KAZN: variants seen among roughly 807,000 people sequenced by gnomAD.
KAZN encodes the protein kazrin.
KAZN carries 40 observed loss-of-function variants against 87.4 expected under a neutral mutation model. The observed-to-expected ratio is 0.46, with a 90% CI of 0.36 to 0.60. KAZN has a LOEUF of 0.60. Ranked by LOEUF, KAZN falls within the 20% of genes least tolerant of loss-of-function variation. KAZN has a pLI of 0.00. For synonymous variants in KAZN, 466 were observed against 458.3 expected, an observed-to-expected ratio of 1.02 and a Z score of -0.22; for missense variants, 898 against 1,073.9, an observed-to-expected ratio of 0.84 and a Z score of 2.29.
chr1:14,449,992 G>A (rs924632602), intron 2 of KAZN, among the ~76,000 whole-genome samples: 5 of 152,088 alleles, frequency 3.3e-5, no homozygotes, highest in African/African-American at 1.2e-4. Context: ...CCCCTTTCAG[G>A]AGGGTTTTAT....
intron 1 of KAZN, among the ~76,000 whole-genome samples, chr1:14,921,176 A>ACACACACACACACACATT (rs1658477093): frequency 2.0e-5 from 3 of 151,870 alleles, no homozygotes; most frequent in African/African-American, 7.2e-5. Context: ...ACACACACAC[A>ACACACACACACACACATT]CACACACACA....
At chr1:14,475,760 A>G (rs933181293) in intron 2 of KAZN, among the ~76,000 whole-genome samples, 3 of 152,198 alleles carry the variant, frequency 2.0e-5, no homozygotes, top group Non-Finnish European at 4.4e-5. Context: ...CATAAGTTGG[A>G]AGAAGCTCAT....
At chr1:14,603,404 G>A (rs1677127135) in intron 1 of KAZN, among the ~76,000 whole-genome samples, 1 of 152,190 alleles carries the variant, frequency 6.6e-6, no homozygotes. Flanking sequence ...AACCTGTCAT[G>A]GGATGGGGAT....
chr1:14,094,411 G>T (rs1236452304), intron 1 of KAZN, among the ~76,000 whole-genome samples: 1 of 152,072 alleles, frequency 6.6e-6, no homozygotes, highest in African/African-American at 2.4e-5. Flanking sequence ...CAAGGACAAG[G>T]TTTTTCACTA....
intron 2 of KAZN, among the ~76,000 whole-genome samples, chr1:14,296,504 G>C (rs1407043240): frequency 6.6e-6 from 1 of 152,100 alleles, no homozygotes; most frequent in African/African-American, 2.4e-5. Context: ...CCTACCTCAA[G>C]GTCCACATTC....
At chr1:14,998,519 G>A (rs1294235057) in intron 2 of KAZN, among the ~76,000 whole-genome samples, 1 of 152,038 alleles carries the variant, frequency 6.6e-6, no homozygotes, top group East Asian at 1.9e-4. Flanking sequence ...TATGATGGAG[G>A]TGCTTTTATT....
intron 1 of KAZN, among the ~76,000 whole-genome samples, chr1:14,671,217 A>T (rs1196223289): frequency 1.3e-5 from 2 of 152,202 alleles, no homozygotes; most frequent in Non-Finnish European, 2.9e-5. Context: ...GCTGCTATCT[A>T]ATATATATTT....
intron 2 of KAZN, among the ~76,000 whole-genome samples, chr1:14,206,451 A>G (rs1045184638): frequency 6.6e-6 from 1 of 152,160 alleles, no homozygotes; most frequent in Non-Finnish European, 1.5e-5. Context: ...AAATTGTCCT[A>G]TTCTCAAAGT....
intron 2 of KAZN, among the ~76,000 whole-genome samples, chr1:14,413,281 G>C (rs2101210235): frequency 6.6e-6 from 1 of 151,970 alleles, no homozygotes; most frequent in East Asian, 1.9e-4. Flanking sequence ...CCTCAATACA[G>C]AAAGAGAGAA....
intron 2 of KAZN, among the ~76,000 whole-genome samples, chr1:14,290,713 C>G (rs777493072): frequency 6.6e-6 from 1 of 152,204 alleles, no homozygotes; most frequent in African/African-American, 2.4e-5. Flanking sequence ...TCCAGCTTTG[C>G]TCCATTGCTG....
At chr1:14,136,868 G>A (rs779321436) in intron 1 of KAZN, among the ~76,000 whole-genome samples, 3 of 152,150 alleles carry the variant, frequency 2.0e-5, no homozygotes, top group Admixed American at 2.0e-4. Flanking sequence ...TGGGGACTAG[G>A]ACCAAGTGAG....
chr1:14,432,681 T>C (rs1666141266), intron 2 of KAZN, among the ~76,000 whole-genome samples: 1 of 152,160 alleles, frequency 6.6e-6, no homozygotes, highest in Non-Finnish European at 1.5e-5. Context: ...TTTTAAGCCC[T>C]GCATGCATTA....
Position 14,761,232 on chromosome 1 carries a change from G to A in KAZN, c.226+162009G>A, listed in dbSNP as rs996579353. On this transcript the variant is annotated intron_variant, in intron 1 of 14. Coordinates refer to ENST00000376030, the MANE Select transcript of KAZN (RefSeq NM_201628.3). ...CTGGGTCCAGGAATCTCTTCCTGGA[G>A]CCCCCTGCCTTGCTGGCTCCTGCTC... Among the ~76,000 whole-genome samples the A allele has an allele frequency of 2.6e-5, 4 of 152,122 alleles. 1 individual carries two copies. In the East Asian group the frequency reaches 7.7e-4, roughly 29 times the overall value.
rs1304603772 is a variant in KAZN, at chr1:15,066,139, G to GTTTGTT, written c.1222+402_1222+407dup. 6.2e-5 allele frequency: 65 copies of GTTTGTT among 1,054,848 alleles called. No homozygotes were observed. Among genetic ancestry groups the GTTTGTT allele is most frequent in the South Asian group, 3.6e-4 (8 of 22,026 alleles). 65.3% of individuals were successfully genotyped at this position (1,054,848 alleles called of 1,614,324 possible). A position where few individuals can be genotyped will look rare whatever the true frequency, so the allele number is the denominator to read the frequency against. ...CTTTTTCTTTTTGTTTGGTTCGTCGGTTTGTTTTTGTTTTTGTTTTTTTCC... is the reference window on the plus strand; with the variant it reads ...CTTTTTCTTTTTGTTTGGTTCGTCGGTTTGTTTTTGTTTTTGTTTTTGTTTTTTTCC... On this transcript the variant is annotated intron_variant, in intron 8 of 14. Transcript: ENST00000376030. This position sits in a 1 kb window ranked among gnomAD's most constrained non-coding sequence, Gnocchi z 4.3.
chr1:14,549,551 A>G (rs1673371838), intron 2 of KAZN, among the ~76,000 whole-genome samples: 1 of 151,488 alleles, frequency 6.6e-6, no homozygotes, highest in African/African-American at 2.4e-5. Flanking sequence ...CAGGACCAAC[A>G]TGGGTAATGG....
At position 14,347,293 on chromosome 1, in the gene KAZN, T is replaced by C. The variant is rs1270362776; in HGVS notation, c.249+166701T>C. On this transcript the variant is annotated intron_variant, in intron 2 of 16. Transcript: ENST00000636203. Reference sequence around the variant, plus strand: ...CCCAAGGCTTATGCAGCACATAACATGGACAACTATACCAGCAGTCCAGGC... The same window carrying C: ...CCCAAGGCTTATGCAGCACATAACACGGACAACTATACCAGCAGTCCAGGC... Among the ~76,000 whole-genome samples, 3 of 152,264 alleles carry C rather than the reference T, an allele frequency of 2.0e-5. No homozygotes were observed. The East Asian group carries it at 5.8e-4, about 29-fold the overall frequency.
In KAZN at chr1:13,982,608, C is replaced by T. The variant is rs527964959; in HGVS notation, c.91+88852C>T. ...TTCTCTTATCTGGCCCCACCCACAT[C>T]CTGCTGATTGGTAGAGCCGAGTGGT... On this transcript the variant is annotated intron_variant, in intron 1 of 16. Transcript: ENST00000636203. Among the ~76,000 whole-genome samples, 49 of 152,326 alleles carry T rather than the reference C, an allele frequency of 3.2e-4. No homozygotes were observed. In the East Asian group the frequency reaches 9.4e-3, roughly 29 times the overall value.
intron 1 of KAZN, among the ~76,000 whole-genome samples, chr1:14,791,148 C>T (rs1645662515): frequency 1.3e-5 from 2 of 152,228 alleles, no homozygotes; most frequent in Non-Finnish European, 2.9e-5. Flanking sequence ...TCTAAATCAT[C>T]AACTCCTGTT....
chr1:14,902,069 G>A (rs1005536440), intron 1 of KAZN, among the ~76,000 whole-genome samples: 2 of 152,162 alleles, frequency 1.3e-5, no homozygotes, highest in East Asian at 1.9e-4. Flanking sequence ...GGCACCTAGC[G>A]AGGTGGGAGG....
Sources: allele counts gnomAD v4.1 joint callset (sites outside exome capture counted in the v4.1 genomes callset), GRCh38; gene constraint gnomAD v4.1.1; non-coding constraint Gnocchi (gnomAD v3.1); transcripts MANE v1.5; gene names NCBI Gene and HGNC (gene_info 2026-07-23, HGNC 2026-07-21).